CACNA2D3: variants seen among roughly 807,000 people sequenced by gnomAD.
CACNA2D3 encodes voltage-dependent calcium channel subunit alpha-2/delta-3.
In CACNA2D3, 60 loss-of-function variants were observed where a neutral mutation model predicts 160.6. That is an observed-to-expected ratio of 0.37 (90% CI 0.30 to 0.46). CACNA2D3 has a LOEUF of 0.46. Among genes scored for constraint, CACNA2D3 ranks in the 20% least tolerant of loss-of-function variants. The probability of loss-of-function intolerance (pLI) is 1.00; values close to 1 mark genes in which losing one functional copy is unlikely to be tolerated. For missense variants in CACNA2D3, 1,205 were observed against 1,365.0 expected (o/e 0.88, Z 1.85); for synonymous variants, 558 against 492.9 (o/e 1.13, Z -1.75).
At chr3:54,806,278 C>T (rs1198921014) in intron 13 of CACNA2D3, among the ~76,000 whole-genome samples, 27 of 151,972 alleles carry the variant, frequency 1.8e-4, no homozygotes, top group African/African-American at 3.1e-4. Context: ...TGTTTGCAGA[C>T]GACATGATTG....
intron 13 of CACNA2D3, among the ~76,000 whole-genome samples, chr3:54,806,095 C>A (rs1703114241): frequency 6.6e-6 from 1 of 152,198 alleles, no homozygotes; most frequent in Admixed American, 6.5e-5. Context: ...CAGCCAATAT[C>A]ATACTGAATG....
intron 14 of CACNA2D3, among the ~76,000 whole-genome samples, chr3:54,824,611 G>A (rs1301508786): frequency 6.6e-6 from 1 of 152,144 alleles, no homozygotes; most frequent in Non-Finnish European, 1.5e-5. Context: ...GGCCCCACCT[G>A]CCAGTTCTCA....
At chr3:54,976,579 G>A (rs868435507) in intron 29 of CACNA2D3, among the ~76,000 whole-genome samples, 3 of 152,064 alleles carry the variant, frequency 2.0e-5, no homozygotes, top group Admixed American at 6.6e-5. Context: ...TTCATGAGTC[G>A]ATGTCCTCCT....
chr3:54,423,537 T>A (rs979899223), intron 4 of CACNA2D3, among the ~76,000 whole-genome samples: 6 of 152,170 alleles, frequency 3.9e-5, no homozygotes, highest in African/African-American at 1.4e-4. Context: ...TGGAGAGCAA[T>A]GCTTATGTGG....
At chr3:54,161,558 C>G (rs896234610) in intron 2 of CACNA2D3, among the ~76,000 whole-genome samples, 3 of 152,182 alleles carry the variant, frequency 2.0e-5, no homozygotes, top group Non-Finnish European at 4.4e-5. Flanking sequence ...AAAGCTCAGG[C>G]TTAAGTGGCA....
chr3:54,804,490 A>G (rs982325903), intron 13 of CACNA2D3, among the ~76,000 whole-genome samples: 1 of 152,260 alleles, frequency 6.6e-6, no homozygotes, highest in Non-Finnish European at 1.5e-5. Flanking sequence ...CAATTCAACA[A>G]GAAGAGCTAA....
At chr3:54,932,551 C>A (rs1469515052) in intron 27 of CACNA2D3, among the ~76,000 whole-genome samples, 2 of 152,164 alleles carry the variant, frequency 1.3e-5, no homozygotes, top group Non-Finnish European at 2.9e-5. Flanking sequence ...TTTGAGATGT[C>A]TTATCTTCTA....
intron 2 of CACNA2D3, among the ~76,000 whole-genome samples, chr3:54,197,866 C>G (rs986876028): frequency 6.6e-6 from 1 of 152,156 alleles, no homozygotes; most frequent in Non-Finnish European, 1.5e-5. Flanking sequence ...TCCTCCTTCC[C>G]CATTTCCTAT....
At chr3:54,298,923 A>G (rs955554771) in intron 2 of CACNA2D3, among the ~76,000 whole-genome samples, 2 of 143,034 alleles carry the variant, frequency 1.4e-5, no homozygotes, top group Admixed American at 1.4e-4. Flanking sequence ...AGCCTGAGCA[A>G]CAGAGCAAGA....
intron 6 of CACNA2D3, among the ~76,000 whole-genome samples, chr3:54,565,861 C>T (rs73841660): frequency 3.3e-5 from 5 of 152,058 alleles, no homozygotes; most frequent in Non-Finnish European, 7.4e-5. Flanking sequence ...GGAACTCTAC[C>T]CTGAAATCCT....
chr3:54,534,816 A>G (rs866218608), intron 5 of CACNA2D3, among the ~76,000 whole-genome samples: 11 of 151,972 alleles, frequency 7.2e-5, no homozygotes, highest in Middle Eastern at 3.4e-3. Context: ...AGTCCCATCT[A>G]CTTAAGAGGC....
intron 27 of CACNA2D3, among the ~76,000 whole-genome samples, chr3:54,900,870 C>T (rs149338603): frequency 5.5e-4 from 83 of 152,226 alleles, no homozygotes; most frequent in Non-Finnish European, 9.1e-4. Flanking sequence ...CTTACTTGGC[C>T]TGTGTATAAT....
At chr3:54,686,464 T>C (rs1402330782) in intron 11 of CACNA2D3, among the ~76,000 whole-genome samples, 2 of 152,216 alleles carry the variant, frequency 1.3e-5, no homozygotes, top group African/African-American at 4.8e-5. Flanking sequence ...TAAGACTGAA[T>C]CTACAAAACA....
At chr3:54,126,126 A>G (rs780031257) in intron 2 of CACNA2D3, among the ~76,000 whole-genome samples, 1 of 152,198 alleles carries the variant, frequency 6.6e-6, no homozygotes, top group Non-Finnish European at 1.5e-5. Context: ...ATATAATTTT[A>G]TGTATTTTAT....
chr3:54,770,090 T>A (rs1702292096), intron 13 of CACNA2D3, among the ~76,000 whole-genome samples: 1 of 152,228 alleles, frequency 6.6e-6, no homozygotes, highest in Non-Finnish European at 1.5e-5. Flanking sequence ...AAATACTTGC[T>A]GCCGACACTT....
chr3:54,900,484 A>C (rs934661093), intron 27 of CACNA2D3, among the ~76,000 whole-genome samples: 8 of 152,056 alleles, frequency 5.3e-5, no homozygotes, highest in African/African-American at 1.9e-4. Context: ...AGGGGCTTTC[A>C]TTGGTGGCAT....
At chr3:54,510,173 A>AGT (rs1701437513) in intron 5 of CACNA2D3, among the ~76,000 whole-genome samples, 1 of 150,012 alleles carries the variant, frequency 6.7e-6, no homozygotes, top group Non-Finnish European at 1.5e-5. Context: ...AGGGTGGGTG[A>AGT]GTGAGTGGAG....
At chr3:54,486,383 A>G (rs1268562069) in intron 4 of CACNA2D3, among the ~76,000 whole-genome samples, 1 of 152,224 alleles carries the variant, frequency 6.6e-6, no homozygotes, top group Non-Finnish European at 1.5e-5. Flanking sequence ...ACTGAGATTC[A>G]GGGAAGCCAA....
At chr3:54,590,418 G>C (rs370616001) in intron 9 of CACNA2D3, among the ~76,000 whole-genome samples, 3 of 152,234 alleles carry the variant, frequency 2.0e-5, no homozygotes, top group Non-Finnish European at 2.9e-5. Context: ...GTTGCCAGGG[G>C]TTAGGCATGG....
Sources: gnomAD v4.1 joint callset for allele counts (sites outside exome capture counted in the v4.1 genomes callset) on GRCh38, gnomAD v4.1.1 for gene constraint, MANE v1.5 for transcripts, NCBI Gene and HGNC (gene_info 2026-07-23, HGNC 2026-07-21) for gene names.